Variants in CTNNA3 observed in about 807,000 individuals in gnomAD.
CTNNA3 encodes the protein catenin alpha 3, also known as catenin alpha-3.
In CTNNA3, 76 loss-of-function variants were observed where a neutral mutation model predicts 95.7. The ratio of observed to expected loss-of-function variants is 0.79; its 90% CI spans 0.66 to 0.96. The LOEUF is 0.96. Among genes scored for constraint, CTNNA3 ranks in the 40% least tolerant of loss-of-function variants. CTNNA3 has a pLI of 0.00. For synonymous variants in CTNNA3, 431 were observed against 374.4 expected, an observed-to-expected ratio of 1.15 and a Z score of -1.74; for missense variants, 1,191 against 1,089.8, an observed-to-expected ratio of 1.09 and a Z score of -1.31.
At chr10:67,258,025 G>T (rs1288716080) in intron 5 of CTNNA3, among the ~76,000 whole-genome samples, 3 of 152,106 alleles carry the variant, frequency 2.0e-5, no homozygotes, top group Admixed American at 6.6e-5. Flanking sequence ...CAGACAATCT[G>T]CCAGTCACCT....
At chr10:67,185,953 G>C (rs1319801489) in intron 6 of CTNNA3, among the ~76,000 whole-genome samples, 2 of 147,346 alleles carry the variant, frequency 1.4e-5, no homozygotes, top group Non-Finnish European at 3.0e-5. Flanking sequence ...CGGGACCCAG[G>C]AGGCAGAAGT....
At chr10:66,846,932 A>T (rs184927484) in intron 7 of CTNNA3, among the ~76,000 whole-genome samples, 2 of 152,250 alleles carry the variant, frequency 1.3e-5, no homozygotes, top group African/African-American at 4.8e-5. Context: ...AGTAGTCCCC[A>T]CTCAGCTTTC....
chr10:66,046,546 A>T lies in CTNNA3; in HGVS notation c.2159+22762T>A, dbSNP rs558131258. On this transcript the variant is annotated intron_variant, in intron 15 of 17. Transcript: ENST00000433211. ...AATCTTAAATTAACAACCTAATCTC[A>T]CAACTGAAAAAATTAGAGAAGCAAA... 2.0e-5 allele frequency among the ~76,000 whole-genome samples: 3 copies of T among 152,244 alleles called. No individual in the cohort carries two copies. In the South Asian group the frequency reaches 6.2e-4, roughly 32 times the overall value.
At chr10:66,692,979 C>A (rs10822886) in intron 9 of CTNNA3, among the ~76,000 whole-genome samples, 27,099 of 152,020 alleles carry the variant, frequency 0.18, 3,063 homozygotes, top group East Asian at 0.34. Context: ...ACGTGGAAAG[C>A]AACAACCGGT....
rs547835681 is a variant in CTNNA3, at chr10:67,215,094, C to T, written c.843+4513G>A. Among the ~76,000 whole-genome samples the T allele has an allele frequency of 9.2e-5, 14 of 152,054 alleles. No individual in the cohort carries two copies. In the South Asian group the frequency reaches 2.9e-3, roughly 31 times the overall value. On this transcript the variant is annotated intron_variant, in intron 6 of 17. Transcript: ENST00000433211. The stretch of plus-strand genomic sequence containing the variant: ...TATCTTAACTGCTTTTCAAAAAATA[C>T]TTTTTACTTCTGTGTCTTTCTGTGG...
chr10:67,188,330 A>C (rs1402790379), intron 6 of CTNNA3, among the ~76,000 whole-genome samples: 1 of 152,078 alleles, frequency 6.6e-6, no homozygotes, highest in Non-Finnish European at 1.5e-5. Context: ...ACCCGTTTCT[A>C]CAAAAAATAT....
At position 67,140,291 on chromosome 10, in the gene CTNNA3, T is replaced by A. The variant is rs146291021; in HGVS notation, c.1047+40026A>T. 1.1e-3 allele frequency among the ~76,000 whole-genome samples: 162 copies of A among 152,266 alleles called. No homozygotes were observed. The East Asian group carries it at 0.03, about 28-fold the overall frequency. ...AAAATTCTCTTTTTGAGTGTTATGG[T>A]TAATAACATATTTAAAGATTTAAAT... On this transcript the variant is annotated intron_variant, in intron 7 of 17. Transcript: ENST00000433211.
intron 7 of CTNNA3, among the ~76,000 whole-genome samples, chr10:66,992,330 G>A (rs1435632131): frequency 6.6e-6 from 1 of 151,980 alleles, no homozygotes; most frequent in African/African-American, 2.4e-5. Context: ...TAAATCAACT[G>A]TTTATATCCT....
Position 66,481,471 on chromosome 10 carries a change from T to C in CTNNA3, c.1531+39146A>G, listed in dbSNP as rs914831180. 2.0e-3 allele frequency among the ~76,000 whole-genome samples: 228 copies of C among 114,210 alleles called. 21 individuals carry two copies. The highest frequency in any genetic ancestry group is 9.4e-3 in the African/African-American group (221 of 23,582). The allele number at this position is 114,210 out of a possible 152,430, so 74.9% of individuals were successfully genotyped here. ...CTTATTCCCTTGTTTCTTTTTTTTT[T>C]TTTTTTTTTTTTTTTTTTGAGACGG... On this transcript the variant is annotated intron_variant, in intron 11 of 17. Coordinates refer to ENST00000433211, the MANE Select transcript of CTNNA3 (RefSeq NM_013266.4).
chr10:67,234,054 C>A (rs1213472056), intron 5 of CTNNA3, among the ~76,000 whole-genome samples: 10 of 152,194 alleles, frequency 6.6e-5, no homozygotes, highest in East Asian at 1.9e-4. Flanking sequence ...CCAGGACCAG[C>A]TGGATTCACA....
chr10:66,568,270 G>C (rs11594859), intron 10 of CTNNA3, among the ~76,000 whole-genome samples: 8,307 of 152,138 alleles, frequency 0.055, 256 homozygotes, highest in Middle Eastern at 0.1. Context: ...GTGCTTCATT[G>C]AAAATCAATT....
chr10:67,130,101 C>G (rs752261078), intron 7 of CTNNA3, among the ~76,000 whole-genome samples: 1 of 152,080 alleles, frequency 6.6e-6, no homozygotes, highest in East Asian at 1.9e-4. Flanking sequence ...TGTTCAAGCA[C>G]CCATCACCAT....
chr10:66,632,018 G>A (rs534033351), intron 9 of CTNNA3, among the ~76,000 whole-genome samples: 1 of 151,910 alleles, frequency 6.6e-6, no homozygotes, highest in Non-Finnish European at 1.5e-5. Context: ...ATTGAAATAA[G>A]CACAATTATA....
intron 5 of CTNNA3, among the ~76,000 whole-genome samples, chr10:67,309,030 G>C (rs955996414): frequency 1.3e-5 from 2 of 152,084 alleles, no homozygotes; most frequent in Admixed American, 6.6e-5. Context: ...CTGAGAGGAT[G>C]TTACTTCATT....
intron 5 of CTNNA3, among the ~76,000 whole-genome samples, chr10:67,376,631 GCT>G (rs1843700248): frequency 6.6e-6 from 1 of 152,142 alleles, no homozygotes; most frequent in South Asian, 2.1e-4. Context: ...CACACATTCA[GCT>G]TTATGTTATG....
intron 7 of CTNNA3, among the ~76,000 whole-genome samples, chr10:67,166,076 A>C (rs1861757223): frequency 1.3e-5 from 2 of 152,148 alleles, no homozygotes; most frequent in Non-Finnish European, 2.9e-5. Context: ...ATTGCCAAGG[A>C]GGAAGGGAGA....
intron 7 of CTNNA3, among the ~76,000 whole-genome samples, chr10:66,913,257 A>AAG (rs1846311803): frequency 6.7e-6 from 1 of 148,978 alleles, no homozygotes; most frequent in Non-Finnish European, 1.5e-5. Flanking sequence ...AAAAAAAAAA[A>AAG]AAAAAAAAGA....
chr10:66,592,261 T>C (rs1843578533), intron 10 of CTNNA3, among the ~76,000 whole-genome samples: 1 of 152,000 alleles, frequency 6.6e-6, no homozygotes. Context: ...ACAAATAAAA[T>C]AAGATCATGA....
intron 12 of CTNNA3, among the ~76,000 whole-genome samples, chr10:66,346,782 G>A (rs2092524459): frequency 6.6e-6 from 1 of 151,910 alleles, no homozygotes; most frequent in Non-Finnish European, 1.5e-5. Context: ...ACATTTCTGG[G>A]CTCTCAGTAA....
Sources: allele counts gnomAD v4.1 joint callset (sites outside exome capture counted in the v4.1 genomes callset), GRCh38; gene constraint gnomAD v4.1.1; transcripts MANE v1.5; gene names NCBI Gene and HGNC (gene_info 2026-07-23, HGNC 2026-07-21).